The following RBM33 variants were observed in gnomAD, a reference collection of about 807,000 sequenced individuals.
The protein encoded by RBM33 is RNA-binding protein 33.
In RBM33, 28 loss-of-function variants were observed where a neutral mutation model predicts 132.6. That is an observed-to-expected ratio of 0.21 (90% CI 0.16 to 0.29). RBM33 has a LOEUF of 0.29. Ranked by LOEUF, RBM33 falls within the 10% of genes least tolerant of loss-of-function variation. The pLI, the probability that RBM33 is intolerant of heterozygous loss-of-function variation, is 1.00. For synonymous variants in RBM33, 634 were observed against 593.0 expected, an observed-to-expected ratio of 1.07 and a Z score of -1.01; for missense variants, 1,291 against 1,518.5, an observed-to-expected ratio of 0.85 and a Z score of 2.49.
chr7:155,716,316 G>GTTTTTTTTTTTTTTTTTTTTTTTTTT (rs59289310), intron 8 of RBM33, among the ~76,000 whole-genome samples: 2 of 102,376 alleles, frequency 2.0e-5, no homozygotes, highest in Non-Finnish European at 3.8e-5. Flanking sequence ...CTTTTCTGCT[G>GTTTTTTTTTTTTTTTTTTTTTTTTTT]TTTTTTTTTT....
intron 4 of RBM33, among the ~76,000 whole-genome samples, chr7:155,679,194 A>G (rs2116921298): frequency 6.6e-6 from 1 of 152,204 alleles, no homozygotes; most frequent in South Asian, 2.1e-4. Flanking sequence ...ACAAAAAACA[A>G]AAAATCAGTA....
At chr7:155,766,360 T>G in intron 15 of RBM33, 107 bp from the exon 16 acceptor site, 4 of 1,209,994 alleles carry the variant, frequency 3.3e-6, no homozygotes, top group Non-Finnish European at 4.6e-6. Flanking sequence ...CTGTAGCTCA[T>G]GGTATATTTT....
intron 15 of RBM33, among the ~76,000 whole-genome samples, chr7:155,765,277 A>G (rs1461774025): frequency 1.3e-5 from 2 of 152,184 alleles, no homozygotes; most frequent in African/African-American, 4.8e-5. Flanking sequence ...ATCATAACTT[A>G]CTCTAGTTAG....
chr7:155,723,060 T>C (rs993226872), intron 9 of RBM33, among the ~76,000 whole-genome samples: 1 of 152,258 alleles, frequency 6.6e-6, no homozygotes, highest in Non-Finnish European at 1.5e-5. Context: ...TTGTGTTTAC[T>C]CTGTAGTTAC....
intron 7 of RBM33, 188 bp downstream of exon 7, chr7:155,707,256 C>A: frequency 1.4e-6 from 1 of 695,746 alleles, no homozygotes; most frequent in Non-Finnish European, 2.7e-6. Flanking sequence ...ATTCAGCACT[C>A]CAGTCATCTG....
Position 155,739,737 on chromosome 7 carries a change from CCCCTCCGCATCA to C in RBM33, c.1761_1772del (p.Pro589_Pro592del). ...AAGGGGCCGTTGCATCCTCCATTGC[CCCCTCCGCATCA>C]GCCTCAGCCTCAGCAACCTCAGCAA... On this transcript the variant is annotated inframe_deletion, in exon 12 of 18. Coordinates refer to ENST00000401878, the MANE Select transcript of RBM33 (RefSeq NM_053043.3). 1 of 1,547,664 alleles carries C rather than the reference CCCCTCCGCATCA, an allele frequency of 6.5e-7. No homozygotes were observed. The highest frequency in any genetic ancestry group is 1.2e-5 in the South Asian group (1 of 83,732).
chr7:155,645,503 T>C (rs1798159955), intron 1 of RBM33, among the ~76,000 whole-genome samples: 1 of 152,242 alleles, frequency 6.6e-6, no homozygotes, highest in South Asian at 2.1e-4. Flanking sequence ...TGTTAGTGTT[T>C]TATGTGCGTC....
intron 1 of RBM33, among the ~76,000 whole-genome samples, chr7:155,663,906 A>G (rs1798724701): frequency 6.6e-6 from 1 of 152,246 alleles, no homozygotes; most frequent in Admixed American, 6.5e-5. Context: ...CTAGGAATAA[A>G]GATAACTTTG....
intron 5 of RBM33, among the ~76,000 whole-genome samples, chr7:155,685,269 A>G (rs1238583216): frequency 1.3e-5 from 2 of 152,266 alleles, no homozygotes; most frequent in African/African-American, 2.4e-5. Context: ...AGTGTTGTAA[A>G]TGTTTTGTGG....
intron 14 of RBM33, among the ~76,000 whole-genome samples, chr7:155,751,709 C>T (rs1801690479): frequency 6.6e-6 from 1 of 152,190 alleles, no homozygotes. Context: ...ACAAGATTAA[C>T]TTTGATGGGG....
At chr7:155,662,641 A>G (rs1798684062) in intron 1 of RBM33, among the ~76,000 whole-genome samples, 1 of 151,786 alleles carries the variant, frequency 6.6e-6, no homozygotes, top group Admixed American at 6.6e-5. Flanking sequence ...CAGCAGCCCC[A>G]GGTCTCCTCA....
chr7:155,741,336 G>A (rs1421850739), intron 12 of RBM33, among the ~76,000 whole-genome samples: 1 of 151,806 alleles, frequency 6.6e-6, no homozygotes, highest in East Asian at 1.9e-4. Flanking sequence ...AAAACGTTCT[G>A]GCACCTTTCT....
intron 8 of RBM33, among the ~76,000 whole-genome samples, chr7:155,713,528 G>T (rs1800367491): frequency 6.6e-6 from 1 of 152,110 alleles, no homozygotes; most frequent in African/African-American, 2.4e-5. Context: ...AGGGAGGAAG[G>T]AGGATGACGG....
Position 155,673,764 on chromosome 7 carries a change from G to GCACGCA in RBM33, c.171+850_171+851insACGCAC, listed in dbSNP as rs141072820. ...TACACACGTGTATATACGCGCGCAT[G>GCACGCA]CGCGCACACACACACACACACACAC... On this transcript the variant is annotated intron_variant, in intron 3 of 17. Transcript: ENST00000401878. Among the ~76,000 whole-genome samples, 4 of 17,238 alleles carry GCACGCA rather than the reference G, an allele frequency of 2.3e-4. 1 individual carries two copies. The highest frequency in any genetic ancestry group is 6.9e-4 in the African/African-American group (4 of 5,812). The allele number at this position is 17,238 out of a possible 152,430, so 11.3% of individuals were successfully genotyped here.
chr7:155,664,073 A>G (rs1196603705), intron 1 of RBM33, among the ~76,000 whole-genome samples: 1 of 152,144 alleles, frequency 6.6e-6, no homozygotes, highest in Non-Finnish European at 1.5e-5. Flanking sequence ...TTCACTGTCC[A>G]TTTCAGTAGC....
chr7:155,645,233 T>G, intron 1 of RBM33: 2 of 301,670 alleles, frequency 6.6e-6, no homozygotes, highest in Non-Finnish European at 1.2e-5. Context: ...TGGTGTCCTA[T>G]GGGTAGGAGA....
At chr7:155,732,850 G>A (rs553787578) in intron 9 of RBM33, among the ~76,000 whole-genome samples, 1 of 152,274 alleles carries the variant, frequency 6.6e-6, no homozygotes, top group African/African-American at 2.4e-5. Context: ...GCTGCCCAGG[G>A]ACAGGTGAAA....
intron 9 of RBM33, among the ~76,000 whole-genome samples, chr7:155,724,094 T>A (rs1800707176): frequency 6.6e-6 from 1 of 152,230 alleles, no homozygotes. Context: ...CAGGGAAATC[T>A]TAGTTACCTG....
chr7:155,736,897 A>T (rs943288015), intron 9 of RBM33, among the ~76,000 whole-genome samples: 4 of 152,224 alleles, frequency 2.6e-5, no homozygotes, highest in Non-Finnish European at 5.9e-5. Flanking sequence ...ACATTAAAAC[A>T]TTGACTTAAT....
Sources: allele counts gnomAD v4.1 joint callset (sites outside exome capture counted in the v4.1 genomes callset), GRCh38; gene constraint gnomAD v4.1.1; transcripts MANE v1.5; gene names NCBI Gene and HGNC (gene_info 2026-07-23, HGNC 2026-07-21).